The following TOX2 variants were observed in gnomAD, a reference collection of about 807,000 sequenced individuals.
The protein encoded by TOX2 is TOX high mobility group box family member 2, also known as granulosa cell HMG box 1.
Under a neutral mutation model 47.4 loss-of-function variants are expected in TOX2, and 15 were observed. The observed-to-expected ratio is 0.32, with a 90% CI of 0.21 to 0.49. TOX2 has a LOEUF of 0.49. Ranked by LOEUF, TOX2 falls within the 20% of genes least tolerant of loss-of-function variation. The probability of loss-of-function intolerance (pLI) is 0.99; values close to 1 mark genes in which losing one functional copy is unlikely to be tolerated. For missense variants in TOX2, 622 were observed against 673.1 expected, an observed-to-expected ratio of 0.92 and a Z score of 0.84; for synonymous variants, 290 against 296.6, an observed-to-expected ratio of 0.98 and a Z score of 0.23.
At chr20:44,009,173 G>C (rs909085403) in intron 3 of TOX2, among the ~76,000 whole-genome samples, 1 of 152,158 alleles carries the variant, frequency 6.6e-6, no homozygotes, top group Non-Finnish European at 1.5e-5. Flanking sequence ...TGGGACCTTA[G>C]GACACGGCTT....
chr20:43,936,227 G>A (rs545169930), intron 1 of TOX2, among the ~76,000 whole-genome samples: 1 of 152,292 alleles, frequency 6.6e-6, no homozygotes, highest in Admixed American at 6.5e-5. Flanking sequence ...CAAACTCAGG[G>A]TCTGAACTTT....
intron 2 of TOX2, among the ~76,000 whole-genome samples, chr20:43,994,431 C>T (rs2070429509): frequency 7.0e-6 from 1 of 143,210 alleles, no homozygotes; most frequent in African/African-American, 2.6e-5. Flanking sequence ...TGCACTCTAG[C>T]CTGGGTGACA....
chr20:43,939,349 C>T (rs558351719), intron 1 of TOX2, among the ~76,000 whole-genome samples: 73 of 152,274 alleles, frequency 4.8e-4, no homozygotes, highest in Non-Finnish European at 1.0e-3. Context: ...CATATTGGGA[C>T]TGGAGGAGTT....
At chr20:43,987,810 G>A (rs1397539316) in intron 2 of TOX2, among the ~76,000 whole-genome samples, 1 of 152,140 alleles carries the variant, frequency 6.6e-6, no homozygotes, top group African/African-American at 2.4e-5. Flanking sequence ...AGGGAAGCAG[G>A]TGGCACGGGC....
chr20:44,046,494 G>A (rs1004234857), intron 3 of TOX2, among the ~76,000 whole-genome samples: 65 of 152,182 alleles, frequency 4.3e-4, no homozygotes, highest in African/African-American at 1.5e-3. Context: ...GAGTCTCCAC[G>A]AGATACTTGT....
intron 3 of TOX2, among the ~76,000 whole-genome samples, chr20:44,015,669 A>G (rs529012519): frequency 9.2e-5 from 14 of 152,216 alleles, no homozygotes; most frequent in Non-Finnish European, 2.1e-4. Context: ...CTGGAACATT[A>G]TGATGTACGA....
At chr20:44,010,751 A>G (rs1466283116) in intron 3 of TOX2, among the ~76,000 whole-genome samples, 2 of 152,180 alleles carry the variant, frequency 1.3e-5, no homozygotes, top group Non-Finnish European at 2.9e-5. Context: ...ACCGAGGGAT[A>G]ATGATAATAG....
At chr20:44,025,087 T>A (rs2071039317) in intron 3 of TOX2, among the ~76,000 whole-genome samples, 1 of 152,214 alleles carries the variant, frequency 6.6e-6, no homozygotes, top group Admixed American at 6.5e-5. Flanking sequence ...TTTAGGCTAT[T>A]TCTGATCTTT....
At chr20:43,942,862 G>A (rs1246145819) in intron 1 of TOX2, among the ~76,000 whole-genome samples, 3 of 152,080 alleles carry the variant, frequency 2.0e-5, no homozygotes, top group South Asian at 2.1e-4. Flanking sequence ...TAACCATCAC[G>A]TTGCCTCAGA....
chr20:44,063,271 A>T (rs2071752886), intron 5 of TOX2, among the ~76,000 whole-genome samples: 1 of 152,240 alleles, frequency 6.6e-6, no homozygotes, highest in Non-Finnish European at 1.5e-5. Flanking sequence ...TCTACAAAGG[A>T]ACTCAAATCA....
intron 2 of TOX2, among the ~76,000 whole-genome samples, chr20:43,994,830 G>A (rs892723821): frequency 1.3e-5 from 2 of 152,150 alleles, no homozygotes; most frequent in Non-Finnish European, 2.9e-5. Context: ...GTGACTGCCT[G>A]TCATTGTCCC....
chr20:44,005,941 G>GA lies in TOX2; in HGVS notation c.166-596dup, dbSNP rs142869884. Among the ~76,000 whole-genome samples the GA allele has an allele frequency of 1.5e-3, 217 of 148,164 alleles. 1 individual carries two copies. Among genetic ancestry groups the GA allele is most frequent in the African/African-American group, 4.4e-3 (179 of 40,412 alleles). On this transcript the variant is annotated intron_variant, in intron 2 of 8. Transcript: ENST00000341197. The stretch of plus-strand genomic sequence containing the variant: ...GTTCCTGGACAGTTTGGCGAGGTGG[G>GA]AAAAAAAAAACAAGGAAGGACTGGA...
intron 3 of TOX2, among the ~76,000 whole-genome samples, chr20:44,009,133 C>T (rs933937875): frequency 1.7e-4 from 26 of 152,166 alleles, no homozygotes; most frequent in African/African-American, 5.8e-4. Flanking sequence ...AAGCCACAGT[C>T]GAATTTGTGG....
chr20:43,927,638 T>C (rs1297469738), intron 1 of TOX2, among the ~76,000 whole-genome samples: 1 of 122,606 alleles, frequency 8.2e-6, no homozygotes, highest in Admixed American at 8.4e-5. Flanking sequence ...CTTCCTTCCT[T>C]CCTCCCCTTC....
intron 1 of TOX2, among the ~76,000 whole-genome samples, chr20:43,964,909 C>T (rs1398843997): frequency 6.6e-6 from 1 of 152,178 alleles, no homozygotes; most frequent in Admixed American, 6.5e-5. Flanking sequence ...CTTCCTACAT[C>T]ATGGAGCCTC....
rs937842447 is a variant in TOX2 at position 43,916,937 on chromosome 20, G to T, written c.99+1947G>T. ...AACCTCTGACTCAGCACCAGAACCT[G>T]TGCGAATCTCGCCGGGAAGGGCCCG... On this transcript the variant is annotated intron_variant, in intron 1 of 8. Coordinates refer to ENST00000341197, the MANE Select transcript of TOX2 (RefSeq NM_001098797.2). This position sits in a 1 kb window ranked among gnomAD's most constrained non-coding sequence, Gnocchi z 5.0. Among the ~76,000 whole-genome samples the T allele has an allele frequency of 6.6e-6, 1 of 152,190 alleles. No individual in the cohort carries two copies. Among genetic ancestry groups the T allele is most frequent in the Non-Finnish European group, 1.5e-5 (1 of 68,040 alleles).
intron 1 of TOX2, among the ~76,000 whole-genome samples, chr20:43,925,819 C>T (rs1351838599): frequency 6.6e-6 from 1 of 152,120 alleles, no homozygotes; most frequent in African/African-American, 2.4e-5. Flanking sequence ...CACATTTGTC[C>T]CCATTTTTTT....
intron 1 of TOX2, among the ~76,000 whole-genome samples, chr20:43,929,588 C>T (rs959081033): frequency 6.6e-6 from 1 of 152,232 alleles, no homozygotes; most frequent in African/African-American, 2.4e-5. Context: ...TGGCTGGCTC[C>T]TGCCCAGCCT....
At chr20:43,940,041 G>A (rs2069381456) in intron 1 of TOX2, among the ~76,000 whole-genome samples, 1 of 152,202 alleles carries the variant, frequency 6.6e-6, no homozygotes, top group East Asian at 1.9e-4. Flanking sequence ...GTCCAGGGGT[G>A]TATGGGGCTT....
Sources: allele counts gnomAD v4.1 joint callset (sites outside exome capture counted in the v4.1 genomes callset), GRCh38; gene constraint gnomAD v4.1.1; non-coding constraint Gnocchi (gnomAD v3.1); transcripts MANE v1.5; gene names NCBI Gene and HGNC (gene_info 2026-07-23, HGNC 2026-07-21).